HEPH: variants seen among roughly 807,000 people sequenced by gnomAD.
The protein encoded by HEPH is hephaestin.
HEPH carries 69 observed loss-of-function variants against 80.8 expected under a neutral mutation model. That is an observed-to-expected ratio of 0.85 (90% CI 0.70 to 1.04). The LOEUF (loss-of-function observed/expected upper bound fraction) is 1.04, where lower values mean the gene tolerates loss of function less well. Ranked by LOEUF, HEPH falls within the 50% of genes least tolerant of loss-of-function variation. HEPH has a pLI of 0.00. For synonymous variants in HEPH, 431 were observed against 322.8 expected (o/e 1.34, Z -3.60); for missense variants, 1,115 against 891.3 (o/e 1.25, Z -3.20).
intron 4 of HEPH, among the ~76,000 whole-genome samples, chrX:66,179,465 T>A (rs1383608898): frequency 1.8e-4 from 20 of 111,998 alleles, no homozygotes; most frequent in African/African-American, 6.5e-4. Flanking sequence ...TATAGTAGTT[T>A]TTTCCAATTC....
chrX:66,194,568 C>A (rs746432208), intron 8 of HEPH, among the ~76,000 whole-genome samples: 1 of 111,913 alleles, frequency 8.9e-6, no homozygotes, highest in Non-Finnish European at 1.9e-5. Context: ...GGAGTTGTGG[C>A]TAGATTACCT....
chrX:66,187,508 G>A (rs1309280664), intron 4 of HEPH, among the ~76,000 whole-genome samples: 1 of 111,645 alleles, frequency 9.0e-6, no homozygotes, highest in Non-Finnish European at 1.9e-5. Context: ...TGCAGTGATT[G>A]TTATCTCTCT....
In HEPH at chrX:66,192,284, G is replaced by A. The variant is rs748685065; in HGVS notation, c.1218G>A (p.Leu406=). ...ATGATGGGAGTACTGGGAAGAATTT[G>A]AGAGAGCCAGGCAGGTAAGAGGCAG... The part of the protein sequence containing the change: ...MGHDGSTGKN[L]REPGSISDKF... Residue 406 remains leucine (L), a synonymous_variant, in exon 7 of 21, where the codon TTG becomes TTA. Transcript: ENST00000343002. The A allele has an allele frequency of 1.7e-6, 2 of 1,207,042 alleles. No homozygotes were observed. The highest frequency in any genetic ancestry group is 3.0e-5 in the East Asian group (1 of 33,715).
intron 15 of HEPH, among the ~76,000 whole-genome samples, chrX:66,225,042 CAAGTGT>C (rs1283014875): frequency 9.1e-6 from 1 of 110,118 alleles, no homozygotes; most frequent in East Asian, 2.8e-4. Flanking sequence ...CAGCTGTAAC[CAAGTGT>C]CTATATATGG....
intron 15 of HEPH, among the ~76,000 whole-genome samples, chrX:66,228,441 A>G (rs766467473): frequency 8.8e-6 from 1 of 113,098 alleles, no homozygotes; most frequent in Non-Finnish European, 1.9e-5. Context: ...AGAAGATAAC[A>G]TTGGAAAAAT....
At chrX:66,196,644 A>G (rs2088118786) in intron 9 of HEPH, among the ~76,000 whole-genome samples, 1 of 111,803 alleles carries the variant, frequency 8.9e-6, no homozygotes, top group Admixed American at 9.5e-5. Flanking sequence ...CAGTCCTATC[A>G]GTTTAGAGTT....
intron 4 of HEPH, among the ~76,000 whole-genome samples, chrX:66,179,251 G>T (rs182633166): frequency 8.9e-6 from 1 of 111,800 alleles, no homozygotes; most frequent in Non-Finnish European, 1.9e-5. Context: ...AGATCAGATG[G>T]TTGTAGATAT....
At position 66,263,135 on chromosome X, in the gene HEPH, G is replaced by A. The variant is rs148394137; in HGVS notation, c.3200-509G>A. ...GATTGTAGTTCTAGCCAAATAATAT[G>A]AGCCTCAAAAGAGATATGTTTTTAC... On this transcript the variant is annotated intron_variant, in intron 19 of 20. Coordinates refer to ENST00000343002, the MANE Select transcript of HEPH (RefSeq NM_001367233.3). 6.5e-3 allele frequency among the ~76,000 whole-genome samples: 721 copies of A among 111,550 alleles called. 6 individuals carry two copies. Among genetic ancestry groups the A allele is most frequent in the African/African-American group, 0.021 (644 of 30,737 alleles).
intron 4 of HEPH, among the ~76,000 whole-genome samples, chrX:66,183,642 CA>C (rs1270638092): frequency 1.8e-5 from 1 of 55,550 alleles, no homozygotes; most frequent in Non-Finnish European, 2.7e-5. Flanking sequence ...TTGATCCTTT[CA>C]AAAAACCAGC....
intron 19 of HEPH, among the ~76,000 whole-genome samples, chrX:66,263,046 A>T (rs2091418632): frequency 9.0e-6 from 1 of 111,137 alleles, no homozygotes; most frequent in Admixed American, 9.6e-5. Flanking sequence ...GGAGAGGAAG[A>T]CTGAGCCAGG....
chrX:66,267,564 G>C (rs1280490354), downstream of HEPH: 1 of 111,334 alleles, frequency 9.0e-6, no homozygotes, highest in Admixed American at 9.6e-5. Flanking sequence ...AGAGTGCTGG[G>C]TACCACCCTA....
intron 15 of HEPH, among the ~76,000 whole-genome samples, chrX:66,247,862 C>T (rs955019689): frequency 1.8e-5 from 2 of 111,697 alleles, no homozygotes; most frequent in Non-Finnish European, 3.8e-5. Context: ...TTACATATGG[C>T]TGTATGAACT....
At chrX:66,232,542 G>T (rs1328460666) in intron 15 of HEPH, among the ~76,000 whole-genome samples, 1 of 111,079 alleles carries the variant, frequency 9.0e-6, no homozygotes, top group Non-Finnish European at 1.9e-5. Context: ...AAATCCTAGT[G>T]TAGTATTAGT....
At chrX:66,167,661 C>T (rs920411703) in intron 1 of HEPH, among the ~76,000 whole-genome samples, 2 of 111,916 alleles carry the variant, frequency 1.8e-5, no homozygotes, top group Non-Finnish European at 3.8e-5. Flanking sequence ...TATGTGAGTA[C>T]GCCTGTGTTT....
In HEPH at chrX:66,207,481, A is replaced by G. The variant is rs3765261; in HGVS notation, c.2431+147A>G. 197 of 427,488 alleles carry G rather than the reference A, an allele frequency of 4.6e-4. No individual in the cohort carries two copies. The East Asian group carries it at 8.7e-3, about 19-fold the overall frequency. The allele number at this position is 427,488 out of a possible 1,213,427, so 35.2% of individuals were successfully genotyped here. The stretch of plus-strand genomic sequence containing the variant: ...TTATGGAATATTTTATGAAACAACC[A>G]TGACAATAAACAGTGAAGGGGGAGG... On this transcript the variant is annotated intron_variant, in intron 14 of 20. Coordinates refer to ENST00000343002, the MANE Select transcript of HEPH (RefSeq NM_001367233.3).
chrX:66,215,681 C>G (rs2089355854), intron 15 of HEPH, among the ~76,000 whole-genome samples: 1 of 111,389 alleles, frequency 9.0e-6, no homozygotes, highest in African/African-American at 3.3e-5. Context: ...TGTGAAGATC[C>G]ATATCATGAA....
intron 15 of HEPH, among the ~76,000 whole-genome samples, chrX:66,210,167 C>T (rs368150827): frequency 3.6e-5 from 4 of 111,665 alleles, no homozygotes; most frequent in African/African-American, 1.3e-4. Flanking sequence ...AATGAGATTA[C>T]AGATGTTAAG....
chrX:66,228,683 A>G (rs755859450), intron 15 of HEPH, among the ~76,000 whole-genome samples: 1 of 112,131 alleles, frequency 8.9e-6, no homozygotes, highest in Non-Finnish European at 1.9e-5. Context: ...CAAATCAGCA[A>G]GAAAAAAAAT....
At chrX:66,163,669 A>G (rs1028801040), upstream of HEPH, among the ~76,000 whole-genome samples, 3 of 111,151 alleles carry the variant, frequency 2.7e-5, no homozygotes, top group African/African-American at 9.8e-5. Context: ...TGGTGGTTTC[A>G]TGGTTAAAAG....
Sources: gnomAD v4.1 joint callset for allele counts (sites outside exome capture counted in the v4.1 genomes callset) on GRCh38, gnomAD v4.1.1 for gene constraint, MANE v1.5 for transcripts, NCBI Gene and HGNC (gene_info 2026-07-23, HGNC 2026-07-21) for gene names.